The following GSTA4 variants were observed in gnomAD, a reference collection of about 807,000 sequenced individuals.
GSTA4 encodes glutathione S-transferase A4.
A neutral mutation model predicts 24.4 loss-of-function variants in GSTA4; 15 were observed. That is an observed-to-expected ratio of 0.61 (90% CI 0.41 to 0.95). The LOEUF (loss-of-function observed/expected upper bound fraction) is 0.95. Among genes scored for constraint, GSTA4 ranks in the 40% least tolerant of loss-of-function variants. The probability of loss-of-function intolerance (pLI) is 0.00; values close to 1 mark genes in which losing one functional copy is unlikely to be tolerated. For missense variants in GSTA4, 244 were observed against 262.1 expected, an observed-to-expected ratio of 0.93 and a Z score of 0.48; for synonymous variants, 92 against 94.2, an observed-to-expected ratio of 0.98 and a Z score of 0.13.
chr6:52,985,071 GACC>G (rs1279776557), intron 4 of GSTA4, among the ~76,000 whole-genome samples: 1 of 152,124 alleles, frequency 6.6e-6, no homozygotes, highest in Non-Finnish European at 1.5e-5. Context: ...GGGGTGCAAG[GACC>G]AGGCTTTGAT....
chr6:52,978,657 T>G, intron 6 of GSTA4, 65 bp from the exon 7 acceptor site: 1 of 1,221,904 alleles, frequency 8.2e-7, no homozygotes. Flanking sequence ...GAAGATATGG[T>G]TATGCAAAAT....
At position 52,978,403 on chromosome 6, in the gene GSTA4, T is replaced by G; in HGVS notation, c.*67A>C. ...AGCACCATGACAGAGCTGGGATCCA[T>G]TAAGACATGACTGTAGACAATACCA... On this transcript the variant is annotated 3_prime_UTR_variant, in exon 7 of 7. Coordinates refer to ENST00000370963, the MANE Select transcript of GSTA4 (RefSeq NM_001512.4). 1 of 1,521,410 alleles carries G rather than the reference T, an allele frequency of 6.6e-7. No individual in the cohort carries two copies. The allele number at this position is 1,521,410 out of a possible 1,614,324, so 94.2% of individuals were successfully genotyped here.
chr6:52,979,620 TA>T (rs1397947732), intron 6 of GSTA4, among the ~76,000 whole-genome samples: 1 of 152,194 alleles, frequency 6.6e-6, no homozygotes, highest in Non-Finnish European at 1.5e-5. Flanking sequence ...ATTATTCTAA[TA>T]AAACCTTTTA....
Position 52,985,552 on chromosome 6 carries a change from C to G in GSTA4, c.171G>C (p.Met57Ile). ...GNHLLFQQVP[M>I]VEIDGMKLVQ... The stretch of plus-strand genomic sequence containing the variant: ...CCAACTTCATCCCGTCAATTTCAAC[C>G]ATGGGCACTTGTTGGAACAGCAGGT... The change falls in exon 4 of 7, where the codon ATG becomes ATC. Residue 57 changes from methionine (M) to isoleucine (I), a missense_variant. Physicochemically the swap from Met to Ile is conservative, Grantham distance 10. Coordinates refer to ENST00000370963, the MANE Select transcript of GSTA4 (RefSeq NM_001512.4). The G allele has an allele frequency of 6.2e-7, 1 of 1,613,988 alleles. No homozygotes were observed. The highest frequency in any genetic ancestry group is 8.5e-7 in the Non-Finnish European group (1 of 1,179,872).
In GSTA4 at chr6:52,978,421, C is replaced by T. The variant is rs1026839391; in HGVS notation, c.*49G>A. 3 of 1,589,524 alleles carry T rather than the reference C, an allele frequency of 1.9e-6. No individual in the cohort carries two copies. Among genetic ancestry groups the T allele is most frequent in the African/African-American group, 2.7e-5 (2 of 74,216 alleles). ...GGATCCATTAAGACATGACTGTAGACAATACCATCTCTAGGAACACACTGT... is the reference window on the plus strand; with the variant it reads ...GGATCCATTAAGACATGACTGTAGATAATACCATCTCTAGGAACACACTGT... On this transcript the variant is annotated 3_prime_UTR_variant, in exon 7 of 7. Transcript: ENST00000370963.
intron 2 of GSTA4, among the ~76,000 whole-genome samples, chr6:52,992,790 C>T (rs931880212): frequency 5.9e-5 from 9 of 151,978 alleles, no homozygotes; most frequent in African/African-American, 1.9e-4. Flanking sequence ...AATGTTGGAT[C>T]GCGGGATAGT....
At chr6:52,984,349 G>C in intron 5 of GSTA4, 115 bp downstream of exon 5, 1 of 961,870 alleles carries the variant, frequency 1.0e-6, no homozygotes, top group Non-Finnish European at 1.6e-6. Flanking sequence ...TAGCGCTTAG[G>C]TTAGTTCAAC....
chr6:52,980,790 G>T (rs1412573290), intron 6 of GSTA4, among the ~76,000 whole-genome samples: 2 of 152,142 alleles, frequency 1.3e-5, no homozygotes, highest in South Asian at 2.1e-4. Context: ...CCACAGTCTT[G>T]CAACTATGCA....
In GSTA4 at chr6:52,985,505, T is replaced by C. The variant is rs763946299; in HGVS notation, c.218A>G (p.His73Arg). 12 of 1,613,880 alleles carry C rather than the reference T, an allele frequency of 7.4e-6. No individual in the cohort carries two copies. In the African/African-American group the frequency reaches 1.3e-4, roughly 18 times the overall value. The change falls in exon 4 of 7, where the codon CAC becomes CGC. Residue 73 changes from histidine to arginine, a missense_variant. Coordinates refer to ENST00000370963, the MANE Select transcript of GSTA4 (RefSeq NM_001512.4). Reference sequence around the variant, plus strand: ...GAGATTGTGCTTGTCTGCTATGTAGTGGAGAATGCTTCGGGTCTGTACCAA... The same window carrying C: ...GAGATTGTGCTTGTCTGCTATGTAGCGGAGAATGCTTCGGGTCTGTACCAA... ...MKLVQTRSILHYIADKHNLFG... is the reference protein window; with the variant it reads ...MKLVQTRSILRYIADKHNLFG...
intron 5 of GSTA4, 69 bp from the exon 6 acceptor site, chr6:52,982,774 T>A: frequency 8.3e-7 from 1 of 1,200,550 alleles, no homozygotes; most frequent in Non-Finnish European, 1.2e-6. Flanking sequence ...ATTGAATCAG[T>A]GCAGTATCTG....
At chr6:52,989,327 G>C (rs1319196007) in intron 2 of GSTA4, among the ~76,000 whole-genome samples, 1 of 152,150 alleles carries the variant, frequency 6.6e-6, no homozygotes, top group Non-Finnish European at 1.5e-5. Context: ...TAATAAACTT[G>C]CTTTTGCTTT....
intron 3 of GSTA4, among the ~76,000 whole-genome samples, 180 bp from the exon 4 acceptor site, chr6:52,985,763 C>A (rs1177044770): frequency 6.6e-6 from 1 of 152,150 alleles, no homozygotes; most frequent in African/African-American, 2.4e-5. Flanking sequence ...ACAAAAGAAG[C>A]CTGAAGGGGC....
At chr6:52,989,693 C>G (rs188454428) in intron 2 of GSTA4, among the ~76,000 whole-genome samples, 143 of 152,196 alleles carry the variant, frequency 9.4e-4, no homozygotes, top group Admixed American at 1.8e-3. Flanking sequence ...GGCAACAATG[C>G]TCGAAGCCTA....
At chr6:52,992,063 C>A (rs1763672103) in intron 2 of GSTA4, among the ~76,000 whole-genome samples, 1 of 141,128 alleles carries the variant, frequency 7.1e-6, no homozygotes, top group African/African-American at 2.9e-5. Context: ...TGGTTAATAC[C>A]ATTTTTCTAT....
At position 52,984,690 on chromosome 6, in the gene GSTA4, T is replaced by C; in HGVS notation, c.273-85A>G. On this transcript the variant is annotated intron_variant, in intron 4 of 6. Transcript: ENST00000370963. ...AACTAAGAATTCAGAGTGCTTTTTTTTTTTTTTTTAAAGATGCTGCAACTT... is the reference window on the plus strand; with the variant it reads ...AACTAAGAATTCAGAGTGCTTTTTTCTTTTTTTTTAAAGATGCTGCAACTT... 1.6e-6 allele frequency: 2 copies of C among 1,267,688 alleles called. 1 individual carries two copies. Among genetic ancestry groups the C allele is most frequent in the Non-Finnish European group, 2.2e-6 (2 of 897,634 alleles). The allele number at this position is 1,267,688 out of a possible 1,614,324, so 78.5% of individuals were successfully genotyped here.
chr6:52,994,040 G>A (rs45504201), intron 2 of GSTA4, 117 bp downstream of exon 2: 25,463 of 760,010 alleles, frequency 0.034, 1,841 homozygotes, highest in African/African-American at 0.23. Flanking sequence ...TCAGTGAAGC[G>A]TGCCTGTGAT....
intron 1 of GSTA4, 72 bp from the exon 2 acceptor site, chr6:52,994,333 G>C: frequency 2.8e-6 from 2 of 722,246 alleles, no homozygotes; most frequent in Non-Finnish European, 4.8e-6. Context: ...AGTGCTCAGG[G>C]GCGAAATGAA....
Position 52,978,176 on chromosome 6 carries a change from C to A in GSTA4, c.*294G>T. 1 of 321,524 alleles carries A rather than the reference C, an allele frequency of 3.1e-6. No homozygotes were observed. Among genetic ancestry groups the A allele is most frequent in the Non-Finnish European group, 5.6e-6 (1 of 177,838 alleles). 19.9% of individuals were successfully genotyped at this position (321,524 alleles called of 1,614,324 possible). A position where few individuals can be genotyped will look rare whatever the true frequency, so the allele number is the denominator to read the frequency against. ...ACTCAGGAGAGAACAAGAGATCCTG[C>A]CCATTCTTATTATGAGGATGAACTG... On this transcript the variant is annotated 3_prime_UTR_variant, in exon 7 of 7. Coordinates refer to ENST00000370963, the MANE Select transcript of GSTA4 (RefSeq NM_001512.4).
chr6:52,987,025 G>A (rs1763574790), intron 3 of GSTA4, among the ~76,000 whole-genome samples: 1 of 152,002 alleles, frequency 6.6e-6, no homozygotes, highest in Non-Finnish European at 1.5e-5. Context: ...TGTGAAGGAA[G>A]TAGGGAAAGA....
Sources: gnomAD v4.1 joint callset for allele counts (sites outside exome capture counted in the v4.1 genomes callset) on GRCh38, gnomAD v4.1.1 for gene constraint, MANE v1.5 for transcripts, NCBI Gene and HGNC (gene_info 2026-07-23, HGNC 2026-07-21) for gene names.